The following EPPK1 variants were observed in gnomAD, a reference collection of about 807,000 sequenced individuals.
The protein encoded by EPPK1 is epiplakin 1.
For synonymous variants in EPPK1, 1,862 were observed against 1,721.2 expected, an observed-to-expected ratio of 1.08 and a Z score of -2.03; for missense variants, 3,823 against 3,673.3, an observed-to-expected ratio of 1.04 and a Z score of -1.05.
In EPPK1 at chr8:143,867,866, G is replaced by T. The variant is rs1313446710; in HGVS notation, c.5388C>A (p.Phe1796Leu). Residue 1796 changes from phenylalanine (F) to leucine (L), a missense_variant, in exon 2 of 2, where the codon TTC becomes TTA. Transcript: ENST00000615648. ...VGRFADQVVS[F>L]WDLLSSPYFT... is the part of the protein sequence containing the mutation. ...AGTATGGAGAGGACAGCAGGTCCCA[G>T]AAAGAGACCACCTGGTCAGCAAACC... 6.2e-7 allele frequency: 1 copy of T among 1,613,230 alleles called. No homozygotes were observed. Among genetic ancestry groups the T allele is most frequent in the Admixed American group, 1.7e-5 (1 of 60,012 alleles).
chr8:143,869,704 G>C lies in EPPK1; in HGVS notation c.3550C>G (p.Gln1184Glu). The C allele has an allele frequency of 6.3e-7, 1 of 1,596,282 alleles. No individual in the cohort carries two copies. The highest frequency in any genetic ancestry group is 1.1e-5 in the South Asian group (1 of 88,360). Residue 1184 changes from glutamine to glutamate, a missense_variant, in exon 2 of 2, where the codon CAG becomes GAG. Transcript: ENST00000615648. ...GCCTGGGCCAGGAGCTTGGTCTCCT[G>C]TACCCACCTCTGCACAGAGGCTAGC... is the stretch of plus-strand genomic sequence containing the variant. ...QLLASVQRWV[Q>E]ETKLLAQARV...
At position 143,867,070 on chromosome 8, in the gene EPPK1, T is replaced by C. The variant is rs200700093; in HGVS notation, c.6184A>G (p.Lys2062Glu). The change falls in exon 2 of 2, where the codon AAG (lysine) becomes GAG (glutamate). Residue 2062 changes from lysine to glutamate, a missense_variant. Lys to Glu is a moderately conservative substitution (Grantham distance 56, BLOSUM62 1). Coordinates refer to ENST00000615648, the MANE Select transcript of EPPK1 (RefSeq NM_031308.4). ...KRFVDPNTQEKVSYRELQERC... is the reference protein window; with the variant it reads ...KRFVDPNTQEEVSYRELQERC... ...TCCTGCAGCTCTCGGTACGAGACCTTCTCTTGCGTGTTCGGGTCCACAAAC... is the reference window on the plus strand; with the variant it reads ...TCCTGCAGCTCTCGGTACGAGACCTCCTCTTGCGTGTTCGGGTCCACAAAC... 2.0e-4 allele frequency: 327 copies of C among 1,612,914 alleles called. No homozygotes were observed. The highest frequency in any genetic ancestry group is 2.5e-4 in the Non-Finnish European group (296 of 1,179,854).
chr8:143,867,856 G>A lies in EPPK1; in HGVS notation c.5398C>T (p.Leu1800=). ...TCCTCTGTGAAGTATGGAGAGGACA[G>A]CAGGTCCCAGAAAGAGACCACCTGG... is the stretch of plus-strand genomic sequence containing the variant. The part of the protein sequence containing the change: ...ADQVVSFWDL[L]SSPYFTEDRK... Residue 1800 remains leucine, a synonymous_variant, in exon 2 of 2, where the codon CTG becomes TTG. Transcript: ENST00000615648. 6.2e-7 allele frequency: 1 copy of A among 1,613,256 alleles called. No individual in the cohort carries two copies. The highest frequency in any genetic ancestry group is 8.5e-7 in the Non-Finnish European group (1 of 1,179,654).
At position 143,867,082 on chromosome 8, in the gene EPPK1, T is replaced by A. The variant is rs782819737; in HGVS notation, c.6172A>T (p.Asn2058Tyr). 8 of 1,612,962 alleles carry A rather than the reference T, an allele frequency of 5.0e-6. No individual in the cohort carries two copies. The highest frequency in any genetic ancestry group is 1.7e-4 in the Middle Eastern group (1 of 6,060). ...CGGTACGAGACCTTCTCTTGCGTGT[T>A]CGGGTCCACAAACCGTTTCCTCATG... ...KHMRKRFVDP[N>Y]TQEKVSYREL... Residue 2058 changes from asparagine to tyrosine, a missense_variant, in exon 2 of 2, where the codon AAC becomes TAC. Physicochemically the swap from Asn to Tyr is moderately radical, Grantham distance 143. Coordinates refer to ENST00000615648, the MANE Select transcript of EPPK1 (RefSeq NM_031308.4).
chr8:143,867,424 A>C lies in EPPK1; in HGVS notation c.5830T>G (p.Cys1944Gly). Reference sequence around the variant, plus strand: ...TCCACAGAGAGCTTCTGGCGGGTGCAGGGGTCCAGGAGGAACCCGGTGGCG... The same window carrying C: ...TCCACAGAGAGCTTCTGGCGGGTGCCGGGGTCCAGGAGGAACCCGGTGGCG... The part of the protein sequence containing the change: ...QAATGFLLDP[C>G]TRQKLSVDEA... The change falls in exon 2 of 2, where the codon TGC (cysteine) becomes GGC (glycine). Residue 1944 changes from cysteine (C) to glycine (G), a missense_variant. Cys to Gly is a radical substitution (Grantham distance 159). Coordinates refer to ENST00000615648, the MANE Select transcript of EPPK1 (RefSeq NM_031308.4). The C allele has an allele frequency of 6.2e-7, 1 of 1,612,660 alleles. No individual in the cohort carries two copies. The highest frequency in any genetic ancestry group is 1.3e-5 in the African/African-American group (1 of 75,002).
Position 143,870,903 on chromosome 8 carries a change from C to T in EPPK1, c.2351G>A (p.Arg784His), listed in dbSNP as rs528402076. ...ENLTYLQLLE[R>H]CVRDPETGLY... ...GCCCGTCTCGGGGTCACGCACACAG[C>T]GCTCCAGAAGCTGCAGGTACGTGAG... The change falls in exon 2 of 2, where the codon CGC becomes CAC. Residue 784 changes from arginine to histidine, a missense_variant. Transcript: ENST00000615648. The surrounding 1 kb of genome is among the most constrained non-coding windows in gnomAD (Gnocchi z 5.2). The T allele has an allele frequency of 2.0e-4, 326 of 1,613,276 alleles. 3 individuals carry two copies. The East Asian group carries it at 6.7e-3, about 33-fold the overall frequency.
rs1819356275 is a variant in EPPK1 at position 143,871,717 on chromosome 8, G to T, written c.1537C>A (p.Leu513Met). Residue 513 changes from leucine (L) to methionine (M), a missense_variant, in exon 2 of 2, where the codon CTG (leucine) becomes ATG (methionine). Transcript: ENST00000615648. ...FRGRPVSLWELLFSEAISSEQ... is the reference protein window; with the variant it reads ...FRGRPVSLWEMLFSEAISSEQ... ...GAGGAGATGGCCTCAGAGAAGAGCA[G>T]CTCCCAGAGGGACACGGGCCGGCCC... The T allele has an allele frequency of 3.1e-6, 5 of 1,608,362 alleles. No homozygotes were observed. In the Admixed American group the frequency reaches 5.0e-5, roughly 16 times the overall value.
Position 143,872,924 on chromosome 8 carries a change from C to T in EPPK1, c.330G>A (p.Glu110=). The T allele has an allele frequency of 6.2e-7, 1 of 1,608,596 alleles. No individual in the cohort carries two copies. Among genetic ancestry groups the T allele is most frequent in the South Asian group, 1.1e-5 (1 of 90,856 alleles). ...TGGCACGCTCAGCGGCCAGCAGCTT[C>T]TCCTTCAGCTCCAGCCCCACCAGAC... ...QQGLVGLELK[E]KLLAAERATT... is the part of the protein sequence containing the mutation. Residue 110 remains glutamate, a synonymous_variant, in exon 2 of 2, where the codon GAG becomes GAA. Coordinates refer to ENST00000615648, the MANE Select transcript of EPPK1 (RefSeq NM_031308.4).
Position 143,867,208 on chromosome 8 carries a change from C to G in EPPK1, c.6046G>C (p.Val2016Leu). The stretch of plus-strand genomic sequence containing the variant: ...CGGTGGTGGTGCTGTGGGTCGATGA[C>G]ACCCCCCGTGGCCACCTGCACCTCC... ...LLEVQVATGGVIDPQHHHRLP... is the reference protein window; with the variant it reads ...LLEVQVATGGLIDPQHHHRLP... Residue 2016 changes from valine to leucine, a missense_variant, in exon 2 of 2, where the codon GTC (valine) becomes CTC (leucine). Val to Leu is a conservative substitution (Grantham distance 32). Coordinates refer to ENST00000615648, the MANE Select transcript of EPPK1 (RefSeq NM_031308.4). 6.2e-7 allele frequency: 1 copy of G among 1,612,770 alleles called. No individual in the cohort carries two copies. The highest frequency in any genetic ancestry group is 8.5e-7 in the Non-Finnish European group (1 of 1,179,820).
rs1554660373 is a variant in EPPK1 at position 143,869,516 on chromosome 8, G to A, written c.3738C>T (p.Gly1246=). 4 of 1,556,026 alleles carry A rather than the reference G, an allele frequency of 2.6e-6. No individual in the cohort carries two copies. Among genetic ancestry groups the A allele is most frequent in the Non-Finnish European group, 3.5e-6 (4 of 1,154,822 alleles). The part of the protein sequence containing the change: ...PAVKACLWGT[G]CVAGVLLQPS... ...GCTGTAGCAGCACACCGGCCACGCA[G>A]CCTGTGCCCCACAGGCAGGCCTTCA... Residue 1246 remains glycine (G), a synonymous_variant, in exon 2 of 2, where the codon GGC becomes GGT. Coordinates refer to ENST00000615648, the MANE Select transcript of EPPK1 (RefSeq NM_031308.4).
rs1819157447 is a variant in EPPK1 at position 143,867,250 on chromosome 8, C to T, written c.6004G>A (p.Glu2002Lys). 6.2e-7 allele frequency: 1 copy of T among 1,612,682 alleles called. No individual in the cohort carries two copies. The highest frequency in any genetic ancestry group is 2.2e-5 in the East Asian group (1 of 44,872). ...TGCACCTCCAGCAGCCTCAGTGCCT[C>T]CGCCTTCTCGATGAGCTGCTTCTGC... ...AMQKQLIEKA[E>K]ALRLLEVQVA... The change falls in exon 2 of 2, where the codon GAG becomes AAG. Residue 2002 changes from glutamate (E) to lysine (K), a missense_variant. Physicochemically the swap from Glu to Lys is moderately conservative, Grantham distance 56 (BLOSUM62 1). Coordinates refer to ENST00000615648, the MANE Select transcript of EPPK1 (RefSeq NM_031308.4).
Position 143,870,938 on chromosome 8 carries a change from C to T in EPPK1, c.2316G>A (p.Thr772=), listed in dbSNP as rs782008477. The part of the protein sequence containing the change: ...DDTKGFFDPN[T]HENLTYLQLL... The stretch of plus-strand genomic sequence containing the variant: ...GCTGCAGGTACGTGAGGTTCTCGTG[C>T]GTGTTGGGGTCGAAGAAGCCCTTGG... Residue 772 remains threonine, a synonymous_variant, in exon 2 of 2, where the codon ACG becomes ACA. Coordinates refer to ENST00000615648, the MANE Select transcript of EPPK1 (RefSeq NM_031308.4). This position sits in a 1 kb window ranked among gnomAD's most constrained non-coding sequence, Gnocchi z 5.2. The T allele has an allele frequency of 9.3e-6, 15 of 1,613,468 alleles. No homozygotes were observed. In the East Asian group the frequency reaches 1.1e-4, roughly 12 times the overall value.
At position 143,871,412 on chromosome 8, in the gene EPPK1, G is replaced by GCCAGCAATGCAGC. The variant is rs782091383; in HGVS notation, c.1829_1841dup (p.Leu616HisfsTer17). The GCCAGCAATGCAGC allele has an allele frequency of 2.5e-6, 4 of 1,604,340 alleles. No homozygotes were observed. Among genetic ancestry groups the GCCAGCAATGCAGC allele is most frequent in the African/African-American group, 1.3e-5 (1 of 74,824 alleles). On this transcript the variant is annotated frameshift_variant, in exon 2 of 2. Transcript: ENST00000615648. LOFTEE classifies it low-confidence loss of function (END_TRUNC). ...GTTCCTGGGAGCCAGGGAGCAGCAG[G>GCCAGCAATGCAGC]CCAGCAATGCAGCCCGTACCCTGCA...
Position 143,871,390 on chromosome 8 carries a change from C to G in EPPK1, c.1864G>C (p.Glu622Gln), listed in dbSNP as rs1554661133. Reference sequence around the variant, plus strand: ...CGGGCCTCATAGATGCTCAGGCGTTCCTGGGAGCCAGGGAGCAGCAGGCCA... The same window carrying G: ...CGGGCCTCATAGATGCTCAGGCGTTGCTGGGAGCCAGGGAGCAGCAGGCCA... The part of the protein sequence containing the change: ...IAGLLLPGSQ[E>Q]RLSIYEARCK... Residue 622 changes from glutamate to glutamine, a missense_variant, in exon 2 of 2, where the codon GAA becomes CAA. Transcript: ENST00000615648. 1 of 1,606,222 alleles carries G rather than the reference C, an allele frequency of 6.2e-7. No individual in the cohort carries two copies. The highest frequency in any genetic ancestry group is 2.2e-5 in the East Asian group (1 of 44,676).
rs372896876 is a variant in EPPK1 at position 143,867,360 on chromosome 8, C to T, written c.5894G>A (p.Arg1965Gln). ...TCTTTCAGCCTTCAGGAGCCTCTCC[C>T]GCAGCTCCTCGTTCACCAGGCCCAC... ...VDVGLVNEEL[R>Q]ERLLKAERAA... Residue 1965 changes from arginine to glutamine, a missense_variant, in exon 2 of 2, where the codon CGG (arginine) becomes CAG (glutamine). Coordinates refer to ENST00000615648, the MANE Select transcript of EPPK1 (RefSeq NM_031308.4). The T allele has an allele frequency of 4.5e-5, 73 of 1,612,768 alleles. No homozygotes were observed. Among genetic ancestry groups the T allele is most frequent in the Admixed American group, 3.0e-4 (18 of 60,000 alleles).
rs1288102932 is a variant in EPPK1, at chr8:143,873,012, G to T, written c.242C>A (p.Thr81Asn). 6.3e-7 allele frequency: 1 copy of T among 1,576,566 alleles called. No homozygotes were observed. Among genetic ancestry groups the T allele is most frequent in the South Asian group, 1.1e-5 (1 of 87,236 alleles). ...GQALLEAQAA[T>N]GGLVDLARGQ... is the part of the protein sequence containing the mutation. ...CCGGGCGAGGTCCACCAGGCCCCCA[G>T]TGGCTGCCTGGGCCTCTAGCAGAGC... The change falls in exon 2 of 2, where the codon ACT becomes AAT. Residue 81 changes from threonine to asparagine, a missense_variant. Transcript: ENST00000615648.
chr8:143,868,166 G>T lies in EPPK1; in HGVS notation c.5088C>A (p.Ser1696Arg). Residue 1696 changes from serine (S) to arginine (R), a missense_variant, in exon 2 of 2, where the codon AGC becomes AGA. By Grantham distance (110) the Ser-to-Arg change is moderately radical. Transcript: ENST00000615648. ...AGGCCACGTCCACGGGCACGCGGTG[G>T]CTGTGCACGGGGTCGATGATGCCGC... ...ATGGIIDPVH[S>R]HRVPVDVAYR... 1 of 1,613,116 alleles carries T rather than the reference G, an allele frequency of 6.2e-7. No homozygotes were observed.
chr8:143,867,149 A>G lies in EPPK1; in HGVS notation c.6105T>C (p.Cys2035=). The G allele has an allele frequency of 1.2e-6, 2 of 1,612,700 alleles. No homozygotes were observed. The highest frequency in any genetic ancestry group is 8.5e-7 in the Non-Finnish European group (1 of 1,179,676). The stretch of plus-strand genomic sequence containing the variant: ...TGAGCGCATAGATGTCCTTGTGCAG[A>G]CAGCCCCGTCTGTAGGCTGTTTCCA... ...LPLETAYRRG[C]LHKDIYALIS... The change falls in exon 2 of 2, where the codon TGT becomes TGC. Residue 2035 remains cysteine, a synonymous_variant. Coordinates refer to ENST00000615648, the MANE Select transcript of EPPK1 (RefSeq NM_031308.4).
Position 143,872,353 on chromosome 8 carries a change from A to G in EPPK1, c.901T>C (p.Phe301Leu). The G allele has an allele frequency of 6.2e-7, 1 of 1,604,920 alleles. No homozygotes were observed. ...AGGTGCTCGGTGGCAGCCTGGAAAAAGCTCTTCTTGTGGCCTTCGGGCAGC... is the reference window on the plus strand; with the variant it reads ...AGGTGCTCGGTGGCAGCCTGGAAAAGGCTCTTCTTGTGGCCTTCGGGCAGC... ...VLLPEGHKKS[F>L]FQAATEHLLP... is the part of the protein sequence containing the mutation. Residue 301 changes from phenylalanine (F) to leucine (L), a missense_variant, in exon 2 of 2, where the codon TTT becomes CTT. Phe to Leu is a conservative substitution (Grantham distance 22, BLOSUM62 0). Coordinates refer to ENST00000615648, the MANE Select transcript of EPPK1 (RefSeq NM_031308.4).
Sources: gnomAD v4.1 joint callset for allele counts on GRCh38, gnomAD v4.1.1 for gene constraint, Gnocchi (gnomAD v3.1) non-coding constraint, MANE v1.5 for transcripts, NCBI Gene and HGNC (gene_info 2026-07-23, HGNC 2026-07-21) for gene names.